Variants in RABGAP1L observed in about 807,000 individuals in gnomAD.
RABGAP1L encodes the protein rab GTPase-activating protein 1-like.
RABGAP1L carries 63 observed loss-of-function variants against 137.7 expected under a neutral mutation model. The ratio of observed to expected loss-of-function variants is 0.46; its 90% CI spans 0.37 to 0.56. RABGAP1L has a LOEUF of 0.56. RABGAP1L is among the 20% of genes least tolerant of loss of function. RABGAP1L has a pLI of 0.00. For missense variants in RABGAP1L, 1,095 were observed against 1,244.0 expected (o/e 0.88, Z 1.80); for synonymous variants, 431 against 433.7 (o/e 0.99, Z 0.08).
intron 13 of RABGAP1L, among the ~76,000 whole-genome samples, chr1:174,519,559 G>T (rs1343851690): frequency 6.6e-6 from 1 of 152,100 alleles, no homozygotes; most frequent in African/African-American, 2.4e-5. Flanking sequence ...CACCCTCACA[G>T]ACACACCCAG....
intron 19 of RABGAP1L, among the ~76,000 whole-genome samples, chr1:174,841,132 G>C (rs1306146743): frequency 6.6e-6 from 1 of 152,054 alleles, no homozygotes; most frequent in Non-Finnish European, 1.5e-5. Flanking sequence ...CTAAGAGAAA[G>C]AAAACCCAAA....
intron 17 of RABGAP1L, among the ~76,000 whole-genome samples, chr1:174,723,272 A>G (rs1681724349): frequency 6.6e-6 from 1 of 152,182 alleles, no homozygotes; most frequent in Admixed American, 6.5e-5. Flanking sequence ...ACAGGGTTTC[A>G]CCATGTTGGC....
intron 1 of RABGAP1L, among the ~76,000 whole-genome samples, chr1:174,208,235 C>G (rs1036233235): frequency 2.6e-5 from 4 of 151,804 alleles, no homozygotes; most frequent in Admixed American, 1.3e-4. Flanking sequence ...ATCCTCCAAC[C>G]TTACTGTACT....
chr1:174,246,158 C>T (rs1672238914), intron 5 of RABGAP1L: 1 of 152,094 alleles, frequency 6.6e-6, no homozygotes, highest in Non-Finnish European at 1.5e-5. Flanking sequence ...CTTAAAATTC[C>T]GCCGCAGTTA....
At chr1:174,614,594 C>A (rs1671606966) in intron 13 of RABGAP1L, among the ~76,000 whole-genome samples, 1 of 152,122 alleles carries the variant, frequency 6.6e-6, no homozygotes, top group Non-Finnish European at 1.5e-5. Context: ...TTGTGGCATT[C>A]TCTGTATTTC....
At chr1:174,383,488 C>T (rs987553756) in intron 12 of RABGAP1L, among the ~76,000 whole-genome samples, 1 of 152,116 alleles carries the variant, frequency 6.6e-6, no homozygotes, top group Non-Finnish European at 1.5e-5. Context: ...GATATAATCT[C>T]GTGGTGCGCC....
intron 19 of RABGAP1L, among the ~76,000 whole-genome samples, chr1:174,933,890 C>A (rs1243386511): frequency 1.3e-5 from 2 of 152,120 alleles, no homozygotes; most frequent in Non-Finnish European, 2.9e-5. Flanking sequence ...GAATAATTAT[C>A]CAGTTCAACC....
At chr1:174,869,522 G>A (rs1651848948) in intron 19 of RABGAP1L, among the ~76,000 whole-genome samples, 1 of 152,178 alleles carries the variant, frequency 6.6e-6, no homozygotes, top group Admixed American at 6.5e-5. Flanking sequence ...ATGTAGAACT[G>A]TGAGTCAATT....
rs186774045 is a variant in RABGAP1L at position 174,619,414 on chromosome 1, A to C, written c.1711-17961A>C. Among the ~76,000 whole-genome samples the C allele has an allele frequency of 2.0e-3, 298 of 152,370 alleles. 1 individual carries two copies. Among genetic ancestry groups the C allele is most frequent in the African/African-American group, 6.8e-3 (283 of 41,590 alleles). ...GGAAGGTTGGGTTACCCACAAAGGG[A>C]AGCCCATCAGACTAACAGCAGATCT... On this transcript the variant is annotated intron_variant, in intron 13 of 25. Coordinates refer to ENST00000681986, the MANE Select transcript of RABGAP1L (RefSeq NM_001366446.1).
intron 1 of RABGAP1L, among the ~76,000 whole-genome samples, chr1:174,184,207 T>G (rs2148305897): frequency 6.6e-6 from 1 of 152,302 alleles, no homozygotes; most frequent in Admixed American, 6.5e-5. Context: ...TTACTGTTCC[T>G]TTGTGTTTTC....
At chr1:174,589,008 T>A (rs1271329999) in intron 13 of RABGAP1L, among the ~76,000 whole-genome samples, 1 of 152,198 alleles carries the variant, frequency 6.6e-6, no homozygotes, top group Non-Finnish European at 1.5e-5. Flanking sequence ...TGTTTTTAAT[T>A]TTTTGCAGAA....
chr1:174,163,768 GTT>G (rs76547958), intron 1 of RABGAP1L, among the ~76,000 whole-genome samples: 1 of 146,232 alleles, frequency 6.8e-6, no homozygotes, highest in African/African-American at 2.5e-5. Context: ...AAATAAGACA[GTT>G]TTTTTTTTTA....
At chr1:174,619,724 G>T (rs1000380179) in intron 13 of RABGAP1L, among the ~76,000 whole-genome samples, 1 of 152,170 alleles carries the variant, frequency 6.6e-6, no homozygotes, top group Admixed American at 6.5e-5. Context: ...GGAAGAAACT[G>T]CATCAACTAA....
intron 1 of RABGAP1L, among the ~76,000 whole-genome samples, chr1:174,194,530 G>C (rs1008107702): frequency 6.6e-6 from 1 of 152,034 alleles, no homozygotes; most frequent in Non-Finnish European, 1.5e-5. Flanking sequence ...CACCGTGCCC[G>C]GCCGGCTTCA....
At chr1:174,988,546 C>T in intron 24 of RABGAP1L, 95 bp from the exon 25 acceptor site, 1 of 1,111,832 alleles carries the variant, frequency 9.0e-7, no homozygotes, top group Non-Finnish European at 1.2e-6. Context: ...GCATCTATGA[C>T]AATAAGCAGC....
intron 18 of RABGAP1L, among the ~76,000 whole-genome samples, chr1:174,809,569 G>A (rs907266891): frequency 2.0e-5 from 3 of 152,138 alleles, no homozygotes; most frequent in Non-Finnish European, 2.9e-5. Context: ...AGAAGAGATC[G>A]CCCATCACCA....
chr1:174,265,724 C>T (rs183301201), intron 7 of RABGAP1L, among the ~76,000 whole-genome samples: 3 of 151,740 alleles, frequency 2.0e-5, no homozygotes, highest in Admixed American at 2.0e-4. Flanking sequence ...AGAACATTGA[C>T]CTAAAAATAT....
chr1:174,167,858 C>T (rs1665035488), intron 1 of RABGAP1L, among the ~76,000 whole-genome samples: 6 of 152,030 alleles, frequency 3.9e-5, no homozygotes, highest in Admixed American at 3.3e-4. Flanking sequence ...TTCAAGATGT[C>T]GTAATTGTCA....
chr1:174,621,947 C>G (rs1185075095), intron 13 of RABGAP1L, among the ~76,000 whole-genome samples: 1 of 152,190 alleles, frequency 6.6e-6, no homozygotes, highest in African/African-American at 2.4e-5. Context: ...TTTTTGCCAT[C>G]TACTCATCTG....
Sources: allele counts gnomAD v4.1 joint callset (sites outside exome capture counted in the v4.1 genomes callset), GRCh38; gene constraint gnomAD v4.1.1; transcripts MANE v1.5; gene names NCBI Gene and HGNC (gene_info 2026-07-23, HGNC 2026-07-21).